LPP: variants seen among roughly 807,000 people sequenced by gnomAD.
The protein encoded by LPP is LIM domain containing preferred translocation partner in lipoma.
A neutral mutation model predicts 60.4 loss-of-function variants in LPP; 38 were observed. That is an observed-to-expected ratio of 0.63 (90% CI 0.49 to 0.83). The LOEUF is 0.83. LPP is among the 40% of genes least tolerant of loss of function. LPP has a pLI of 0.00. For missense variants in LPP, 902 were observed against 783.6 expected (o/e 1.15, Z -1.80); for synonymous variants, 328 against 290.8 (o/e 1.13, Z -1.30).
At chr3:188,379,237 A>T (rs754917746) in intron 3 of LPP, among the ~76,000 whole-genome samples, 1 of 152,200 alleles carries the variant, frequency 6.6e-6, no homozygotes, top group African/African-American at 2.4e-5. Context: ...AAAAGTAATT[A>T]TATTGCCAGC....
intron 4 of LPP, among the ~76,000 whole-genome samples, chr3:188,427,311 C>T (rs922910914): frequency 6.6e-6 from 1 of 152,208 alleles, no homozygotes; most frequent in Non-Finnish European, 1.5e-5. Flanking sequence ...AGAGTTTCTG[C>T]AGAGAGATCT....
At chr3:188,344,492 C>T (rs1763823829) in intron 3 of LPP, among the ~76,000 whole-genome samples, 1 of 152,180 alleles carries the variant, frequency 6.6e-6, no homozygotes, top group African/African-American at 2.4e-5. Flanking sequence ...CACCTTCCCT[C>T]TATGAGGTCT....
intron 6 of LPP, among the ~76,000 whole-genome samples, chr3:188,546,866 C>T (rs1178443217): frequency 1.3e-5 from 2 of 151,394 alleles, no homozygotes; most frequent in Admixed American, 1.3e-4. Context: ...TTGTAAACTT[C>T]ATCAAACCAA....
intron 3 of LPP, among the ~76,000 whole-genome samples, chr3:188,363,834 G>A (rs750492113): frequency 1.5e-4 from 23 of 149,654 alleles, no homozygotes; most frequent in Admixed American, 4.0e-4. Context: ...GATCCTGGGA[G>A]GTAGAGGTTG....
chr3:188,415,646 A>C (rs544839370), intron 4 of LPP, among the ~76,000 whole-genome samples: 13 of 152,116 alleles, frequency 8.5e-5, no homozygotes, highest in Non-Finnish European at 1.3e-4. Context: ...TGGTATATGC[A>C]ATAACCTGGA....
intron 6 of LPP, among the ~76,000 whole-genome samples, chr3:188,602,506 C>A (rs6780218): frequency 0.29 from 43,329 of 151,226 alleles, 6,626 homozygotes; most frequent in Non-Finnish European, 0.33. Context: ...ATTTATCCAG[C>A]CATTATTTAT....
rs187650725 is a variant in LPP at position 188,722,507 on chromosome 3, C to T, written c.1240+14114C>T. On this transcript the variant is annotated intron_variant, in intron 8 of 11. Coordinates refer to ENST00000617246, the MANE Select transcript of LPP (RefSeq NM_001375462.1). ...AGTGTAAGTCATCTTTTCTGTGTGA[C>T]GTTAGTGACATGTGACATTTGTGCT... Among the ~76,000 whole-genome samples, 143 of 152,242 alleles carry T rather than the reference C, an allele frequency of 9.4e-4. 1 individual carries two copies. The highest frequency in any genetic ancestry group is 1.0e-4 in the Non-Finnish European group (7 of 68,012).
In LPP at chr3:188,886,936, C is replaced by G. The variant is rs1770748914; in HGVS notation, c.*12457C>G. 2 of 230,526 alleles carry G rather than the reference C, an allele frequency of 8.7e-6. No homozygotes were observed. The highest frequency in any genetic ancestry group is 1.2e-4 in the East Asian group (2 of 16,250). The allele number at this position is 230,526 out of a possible 1,614,324, so 14.3% of individuals were successfully genotyped here. A position where few individuals can be genotyped will look rare whatever the true frequency, so the allele number is the denominator to read the frequency against. On this transcript the variant is annotated 3_prime_UTR_variant, in exon 12 of 12. Coordinates refer to ENST00000617246, the MANE Select transcript of LPP (RefSeq NM_001375462.1). ...GATCCATTTATCTCTTAAAATATGCCAAAGCAATTTGAGGTGGGGGTGGAA... is the reference window on the plus strand; with the variant it reads ...GATCCATTTATCTCTTAAAATATGCGAAAGCAATTTGAGGTGGGGGTGGAA...
Position 188,154,187 on chromosome 3 carries a change from AGCCGCCGCC to A in LPP, c.-236_-228del, listed in dbSNP as rs542213743. ...CTCCTCTGCCTCTGCCTCCGCCTCC[AGCCGCCGCC>A]GCCGCCGCCGCCGCCGCCACCACCA... On this transcript the variant is annotated 5_prime_UTR_variant, in exon 1 of 12. Transcript: ENST00000617246. The A allele has an allele frequency of 1.0e-3, 213 of 212,064 alleles. No homozygotes were observed. Among genetic ancestry groups the A allele is most frequent in the Middle Eastern group, 2.2e-3 (1 of 462 alleles). The allele number at this position is 212,064 out of a possible 1,614,324, so 13.1% of individuals were successfully genotyped here. A position where few individuals can be genotyped will look rare whatever the true frequency, so the allele number is the denominator to read the frequency against.
chr3:188,257,770 C>T (rs1037686943), intron 2 of LPP, among the ~76,000 whole-genome samples: 4 of 152,220 alleles, frequency 2.6e-5, no homozygotes, highest in Admixed American at 6.5e-5. Context: ...AGAAAAACAA[C>T]GTGCAAGACA....
intron 6 of LPP, among the ~76,000 whole-genome samples, chr3:188,556,315 C>T (rs917059105): frequency 6.6e-6 from 1 of 152,046 alleles, no homozygotes; most frequent in African/African-American, 2.4e-5. Flanking sequence ...GTTTAATTAA[C>T]CCTTCTGTGT....
Position 188,215,769 on chromosome 3 carries a change from G to C in LPP, c.-189-9636G>C, listed in dbSNP as rs145859656. ...GTGGCCCAAAGTCACATAGTCAGTA[G>C]TGGAGACTAATTTTACCTAAGAATG... On this transcript the variant is annotated intron_variant, in intron 1 of 11. Coordinates refer to ENST00000617246, the MANE Select transcript of LPP (RefSeq NM_001375462.1). 2.6e-3 allele frequency among the ~76,000 whole-genome samples: 389 copies of C among 152,338 alleles called. 3 individuals are homozygous for C. The highest frequency in any genetic ancestry group is 8.9e-3 in the African/African-American group (372 of 41,576).
At chr3:188,227,016 C>T (rs926709698) in intron 2 of LPP, among the ~76,000 whole-genome samples, 10 of 152,044 alleles carry the variant, frequency 6.6e-5, no homozygotes, top group Admixed American at 1.3e-4. Context: ...TCTTTGTCAC[C>T]TCCTCTATGT....
chr3:188,464,231 C>A (rs2149463345), intron 4 of LPP, among the ~76,000 whole-genome samples: 1 of 152,196 alleles, frequency 6.6e-6, no homozygotes, highest in South Asian at 2.1e-4. Flanking sequence ...TTTTGGATGG[C>A]TTAGGGAGTC....
At chr3:188,490,865 C>A (rs1437621713) in intron 5 of LPP, among the ~76,000 whole-genome samples, 3 of 149,380 alleles carry the variant, frequency 2.0e-5, no homozygotes, top group Non-Finnish European at 4.4e-5. Flanking sequence ...TGCCATTCTC[C>A]TGCCTTAGCC....
chr3:188,563,486 G>GTGTGTGTGTGT (rs1553929550), intron 6 of LPP, among the ~76,000 whole-genome samples: 1 of 84,552 alleles, frequency 1.2e-5, no homozygotes. Flanking sequence ...GTGTGTGTGT[G>GTGTGTGTGTGT]GTATATTATC....
intron 9 of LPP, among the ~76,000 whole-genome samples, chr3:188,804,709 C>G (rs912770743): frequency 2.0e-5 from 3 of 152,010 alleles, no homozygotes; most frequent in Non-Finnish European, 4.4e-5. Flanking sequence ...CCCAATTGCC[C>G]TGGCTAGGGA....
At chr3:188,605,228 C>G (rs1161276426) in intron 6 of LPP, among the ~76,000 whole-genome samples, 4 of 152,032 alleles carry the variant, frequency 2.6e-5, no homozygotes, top group African/African-American at 7.2e-5. Context: ...TTAGAGAATT[C>G]ATAATGAAAA....
rs551639568 is a variant in LPP, at chr3:188,694,807, C to A, written c.1114-13460C>A. 5.9e-5 allele frequency among the ~76,000 whole-genome samples: 9 copies of A among 152,204 alleles called. No homozygotes were observed. The East Asian group carries it at 1.7e-3, about 29-fold the overall frequency. On this transcript the variant is annotated intron_variant, in intron 7 of 11. Coordinates refer to ENST00000617246, the MANE Select transcript of LPP (RefSeq NM_001375462.1). ...GGGGTACTTGTAATATTTTTGGTTT[C>A]CATCTTTGTGCGCAGAGAGACTATA...
Sources: allele counts gnomAD v4.1 joint callset (sites outside exome capture counted in the v4.1 genomes callset), GRCh38; gene constraint gnomAD v4.1.1; transcripts MANE v1.5; gene names NCBI Gene and HGNC (gene_info 2026-07-23, HGNC 2026-07-21).